Variants in DNAAF11 observed in about 807,000 individuals in gnomAD.
The protein encoded by DNAAF11 is dynein axonemal assembly factor 11.
In DNAAF11, 45 loss-of-function variants were observed where a neutral mutation model predicts 60.8. The observed-to-expected ratio is 0.74, with a 90% confidence interval of 0.58 to 0.95. The LOEUF is 0.95. DNAAF11 is among the 40% of genes least tolerant of loss of function. The pLI is 0.00. For missense variants in DNAAF11, 546 were observed against 546.2 expected, an observed-to-expected ratio of 1.00 and a Z score of 0.00; for synonymous variants, 191 against 183.5, an observed-to-expected ratio of 1.04 and a Z score of -0.33.
At chr8:132,633,019 G>T in intron 4 of DNAAF11, 56 bp from the exon 5 acceptor site, 1 of 1,172,816 alleles carries the variant, frequency 8.5e-7, no homozygotes, top group Non-Finnish European at 1.2e-6. Context: ...GTGTGAATCA[G>T]CCCCAGGTTG....
At chr8:132,646,649 A>G (rs1180773514) in intron 3 of DNAAF11, among the ~76,000 whole-genome samples, 1 of 152,244 alleles carries the variant, frequency 6.6e-6, no homozygotes, top group Non-Finnish European at 1.5e-5. Context: ...AAGATCTACC[A>G]AGCAAATGGA....
the DNAAF11 span, among the ~76,000 whole-genome samples, chr8:132,684,255 C>T: frequency 6.6e-6 from 1 of 152,130 alleles, no homozygotes; most frequent in Non-Finnish European, 1.5e-5. Context: ...GAAACAGCTA[C>T]AGTTTATTAA....
Position 132,675,495 on chromosome 8 carries a change from G to A in DNAAF11, c.-2C>T. 6.4e-7 allele frequency: 1 copy of A among 1,567,160 alleles called. No individual in the cohort carries two copies. The highest frequency in any genetic ancestry group is 1.7e-4 in the Middle Eastern group (1 of 5,876). On this transcript the variant is annotated 5_prime_UTR_variant, in exon 1 of 12. Coordinates refer to ENST00000620350, the MANE Select transcript of DNAAF11 (RefSeq NM_012472.6). ...GGAGGGGGGCTTACTCCAGCCCATG[G>A]CGCCTCTCCAGTTCGCTGACCCCGC...
rs114720742 is a variant in DNAAF11, at chr8:132,584,927, T to C, written c.1141-1148A>G. ...TTACAGTATATATTTGGGAAGGGCATTGGGAGTCCCAATTTAGCCTTAACA... is the reference window on the plus strand; with the variant it reads ...TTACAGTATATATTTGGGAAGGGCACTGGGAGTCCCAATTTAGCCTTAACA... On this transcript the variant is annotated intron_variant, in intron 10 of 11. Transcript: ENST00000620350. Among the ~76,000 whole-genome samples, 653 of 152,256 alleles carry C rather than the reference T, an allele frequency of 4.3e-3. 2 individuals carry two copies. The highest frequency in any genetic ancestry group is 0.015 in the African/African-American group (619 of 41,526).
chr8:132,592,907 G>A (rs1327144233), intron 10 of DNAAF11, among the ~76,000 whole-genome samples: 1 of 151,966 alleles, frequency 6.6e-6, no homozygotes, highest in Non-Finnish European at 1.5e-5. Context: ...AAGTTTGGAA[G>A]GGAAATAGAG....
upstream of DNAAF11, among the ~76,000 whole-genome samples, chr8:132,675,816 G>A (rs899838949): frequency 2.6e-5 from 4 of 152,198 alleles, no homozygotes; most frequent in African/African-American, 9.7e-5. Flanking sequence ...GTATGAGGAC[G>A]CTTCTCTTTT....
intron 7 of DNAAF11, among the ~76,000 whole-genome samples, chr8:132,617,164 G>C (rs531187119): frequency 6.6e-6 from 1 of 152,304 alleles, no homozygotes; most frequent in East Asian, 1.9e-4. Flanking sequence ...CAAGTCTTGA[G>C]CTCAGAGAAG....
intron 3 of DNAAF11, among the ~76,000 whole-genome samples, chr8:132,641,801 C>T (rs1821882457): frequency 6.6e-6 from 1 of 152,034 alleles, no homozygotes; most frequent in Non-Finnish European, 1.5e-5. Flanking sequence ...GGAAGAGACT[C>T]AATGTAGAAA....
At chr8:132,593,077 C>A (rs112770959) in intron 10 of DNAAF11, among the ~76,000 whole-genome samples, 1 of 150,816 alleles carries the variant, frequency 6.6e-6, no homozygotes, top group African/African-American at 2.4e-5. Context: ...AAGGAATGAG[C>A]AAAGGAAGAT....
the DNAAF11 span, among the ~76,000 whole-genome samples, chr8:132,684,544 T>G: frequency 6.6e-6 from 1 of 152,218 alleles, no homozygotes; most frequent in Non-Finnish European, 1.5e-5. Context: ...GATTGGTCTT[T>G]CTGGCATGGA....
intron 1 of DNAAF11, among the ~76,000 whole-genome samples, chr8:132,672,051 G>T (rs893385999): frequency 6.6e-6 from 1 of 152,028 alleles, no homozygotes; most frequent in South Asian, 2.1e-4. Context: ...TTAAGAGAAG[G>T]AAAATATAAG....
chr8:132,667,336 A>G (rs78706144), intron 1 of DNAAF11, among the ~76,000 whole-genome samples: 368 of 152,342 alleles, frequency 2.4e-3, no homozygotes, highest in African/African-American at 8.5e-3. Context: ...TGAGGATTAA[A>G]TAATTAAGTA....
At chr8:132,618,689 A>G (rs1224614806) in intron 7 of DNAAF11, among the ~76,000 whole-genome samples, 1 of 150,764 alleles carries the variant, frequency 6.6e-6, no homozygotes, top group Non-Finnish European at 1.5e-5. Context: ...CAAAAAACAC[A>G]TGAAAAAATG....
intron 6 of DNAAF11, among the ~76,000 whole-genome samples, chr8:132,624,371 T>G (rs1057482814): frequency 1.3e-5 from 2 of 152,154 alleles, no homozygotes; most frequent in Non-Finnish European, 1.5e-5. Context: ...AAGACATGCA[T>G]ACATAATCTT....
At position 132,622,421 on chromosome 8, in the gene DNAAF11, T is replaced by G. The variant is rs111664913; in HGVS notation, c.914+190A>C. On this transcript the variant is annotated intron_variant, in intron 7 of 11. Transcript: ENST00000620350. ...CATTTTCTAGATGCCAAGAAAATTATGCATTTGAAAACATAATAGATGTTT... is the reference window on the plus strand; with the variant it reads ...CATTTTCTAGATGCCAAGAAAATTAGGCATTTGAAAACATAATAGATGTTT... Among the ~76,000 whole-genome samples, 14 of 152,368 alleles carry G rather than the reference T, an allele frequency of 9.2e-5. No individual in the cohort carries two copies. The East Asian group carries it at 9.6e-4, about 10-fold the overall frequency.
intron 10 of DNAAF11, 82 bp from the exon 11 acceptor site, chr8:132,583,861 A>T (rs1289352614): frequency 1.1e-6 from 1 of 923,094 alleles, no homozygotes; most frequent in Admixed American, 1.9e-5. Flanking sequence ...GTATTTTAAA[A>T]GATACTAAAA....
chr8:132,614,801 T>C (rs946285347), intron 8 of DNAAF11, among the ~76,000 whole-genome samples: 3 of 152,210 alleles, frequency 2.0e-5, no homozygotes, highest in African/African-American at 7.2e-5. Context: ...CTGAGAATTA[T>C]TTAAACTCTG....
chr8:132,623,722 T>G (rs1406167090), intron 6 of DNAAF11, among the ~76,000 whole-genome samples: 1 of 152,168 alleles, frequency 6.6e-6, no homozygotes, highest in Non-Finnish European at 1.5e-5. Flanking sequence ...CAGTTAACTT[T>G]ATTTTGGAAA....
At chr8:132,621,448 G>C (rs192818817) in intron 7 of DNAAF11, among the ~76,000 whole-genome samples, 25 of 152,302 alleles carry the variant, frequency 1.6e-4, no homozygotes, top group Non-Finnish European at 3.2e-4. Flanking sequence ...TGAGGAGGTG[G>C]TGGGTAAACA....
Sources: gnomAD v4.1 joint callset for allele counts (sites outside exome capture counted in the v4.1 genomes callset) on GRCh38, gnomAD v4.1.1 for gene constraint, MANE v1.5 for transcripts, NCBI Gene and HGNC (gene_info 2026-07-23, HGNC 2026-07-21) for gene names.